The following TULP4 variants were observed in gnomAD, a reference collection of about 807,000 sequenced individuals.
TULP4 encodes the protein TUB like protein 4.
A neutral mutation model predicts 129.0 loss-of-function variants in TULP4; 16 were observed. The ratio of observed to expected loss-of-function variants is 0.12; its 90% CI spans 0.08 to 0.19. The LOEUF (loss-of-function observed/expected upper bound fraction) is 0.19. Ranked by LOEUF, TULP4 falls within the 10% of genes least tolerant of loss-of-function variation. TULP4 has a pLI of 1.00. For missense variants in TULP4, 1,842 were observed against 2,059.1 expected, an observed-to-expected ratio of 0.89 and a Z score of 2.04; for synonymous variants, 998 against 854.0, an observed-to-expected ratio of 1.17 and a Z score of -2.94.
At chr6:158,485,979 T>C (rs1780055243) in intron 8 of TULP4, among the ~76,000 whole-genome samples, 1 of 152,262 alleles carries the variant, frequency 6.6e-6, no homozygotes, top group Admixed American at 6.5e-5. Flanking sequence ...GTCCCATCCA[T>C]ACTGGATTTA....
chr6:158,402,248 C>G (rs1390684024), intron 1 of TULP4, among the ~76,000 whole-genome samples: 1 of 152,010 alleles, frequency 6.6e-6, no homozygotes, highest in Non-Finnish European at 1.5e-5. Flanking sequence ...CCTACTCCCA[C>G]CCCTTCCCCA....
At chr6:158,336,335 T>C (rs567657114) in intron 1 of TULP4, among the ~76,000 whole-genome samples, 8 of 152,368 alleles carry the variant, frequency 5.3e-5, no homozygotes, top group Admixed American at 5.2e-4. Flanking sequence ...TATTAGTCTT[T>C]TATCTGTGGT....
chr6:158,487,257 T>C (rs986199928), intron 8 of TULP4, among the ~76,000 whole-genome samples: 1 of 151,878 alleles, frequency 6.6e-6, no homozygotes, highest in Admixed American at 6.6e-5. Context: ...AGACTCCATC[T>C]CAAAAAATAA....
chr6:158,422,811 C>T (rs1778377741), intron 2 of TULP4, among the ~76,000 whole-genome samples: 1 of 152,224 alleles, frequency 6.6e-6, no homozygotes, highest in Admixed American at 6.5e-5. Flanking sequence ...GGCCCTCCCA[C>T]CCCAGCCTTT....
intron 1 of TULP4, among the ~76,000 whole-genome samples, chr6:158,386,764 A>T (rs909936407): frequency 3.4e-5 from 4 of 118,614 alleles, no homozygotes; most frequent in Non-Finnish European, 5.4e-5. Flanking sequence ...TAGCTAAGTT[A>T]CTAAACCTCT....
At chr6:158,415,872 C>T (rs1238690191) in intron 2 of TULP4, among the ~76,000 whole-genome samples, 5 of 152,062 alleles carry the variant, frequency 3.3e-5, no homozygotes, top group Non-Finnish European at 7.3e-5. Flanking sequence ...CACACGATCA[C>T]GAGGTAAAAT....
At chr6:158,396,833 C>T (rs924640409) in intron 1 of TULP4, among the ~76,000 whole-genome samples, 1 of 152,154 alleles carries the variant, frequency 6.6e-6, no homozygotes, top group Non-Finnish European at 1.5e-5. Flanking sequence ...AATGTATGTA[C>T]TTTCCCCCCA....
intron 3 of TULP4, among the ~76,000 whole-genome samples, chr6:158,434,765 C>T (rs1281624943): frequency 6.6e-6 from 1 of 152,182 alleles, no homozygotes. Context: ...CCAGCATTTC[C>T]ATGCTGAGTG....
intron 3 of TULP4, among the ~76,000 whole-genome samples, chr6:158,442,770 C>G (rs1397666213): frequency 1.3e-5 from 2 of 151,598 alleles, no homozygotes; most frequent in African/African-American, 2.4e-5. Flanking sequence ...AATGTGTTTT[C>G]AGTTACTTGT....
chr6:158,498,909 T>C, intron 12 of TULP4, 97 bp downstream of exon 12: 1 of 1,478,470 alleles, frequency 6.8e-7, no homozygotes, highest in Non-Finnish European at 9.3e-7. Flanking sequence ...TTCAGTCTGC[T>C]ACCTGGGTTT....
At chr6:158,254,856 G>A (rs886923665) in intron 1 of TULP4, among the ~76,000 whole-genome samples, 2 of 152,162 alleles carry the variant, frequency 1.3e-5, no homozygotes, top group African/African-American at 2.4e-5. Flanking sequence ...TGGATCACCC[G>A]AGACCGGAAG....
chr6:158,316,876 C>T (rs1009317342), intron 1 of TULP4, among the ~76,000 whole-genome samples: 2 of 152,208 alleles, frequency 1.3e-5, no homozygotes, highest in Non-Finnish European at 2.9e-5. Context: ...GTCTTAGAGG[C>T]CCTCACTAGT....
intron 1 of TULP4, among the ~76,000 whole-genome samples, chr6:158,315,840 T>G (rs1779479182): frequency 6.6e-6 from 1 of 152,212 alleles, no homozygotes; most frequent in Admixed American, 6.5e-5. Flanking sequence ...TGGGCCTATC[T>G]TACAAGGGTA....
chr6:158,420,585 G>A (rs1041788660), intron 2 of TULP4, among the ~76,000 whole-genome samples: 4 of 152,058 alleles, frequency 2.6e-5, no homozygotes, highest in Admixed American at 2.0e-4. Flanking sequence ...GGGTTCAAGC[G>A]ATTCTCCTGT....
At chr6:158,488,289 A>C (rs1461067689) in intron 8 of TULP4, among the ~76,000 whole-genome samples, 1 of 152,184 alleles carries the variant, frequency 6.6e-6, no homozygotes, top group African/African-American at 2.4e-5. Context: ...GTCATAGCTG[A>C]GATTCCTTTG....
chr6:158,495,387 G>A (rs1395314166), intron 11 of TULP4, among the ~76,000 whole-genome samples: 2 of 152,160 alleles, frequency 1.3e-5, no homozygotes, highest in African/African-American at 4.8e-5. Flanking sequence ...TATAAGCCCT[G>A]ACTCATAAAA....
chr6:158,249,065 G>A (rs1778087786), intron 1 of TULP4, among the ~76,000 whole-genome samples: 1 of 150,520 alleles, frequency 6.6e-6, no homozygotes. Context: ...GGTCAAGGCT[G>A]GGTGACAGAG....
At chr6:158,396,098 A>G (rs1408042605) in intron 1 of TULP4, among the ~76,000 whole-genome samples, 1 of 152,212 alleles carries the variant, frequency 6.6e-6, no homozygotes. Context: ...AGTTCCTGCT[A>G]TTTTGAATAA....
chr6:158,418,125 G>GGA (rs1778256315), intron 2 of TULP4, among the ~76,000 whole-genome samples: 1 of 150,260 alleles, frequency 6.7e-6, no homozygotes. Context: ...TTGGGAGCGG[G>GGA]GGAGACAGGG....
Sources: allele counts gnomAD v4.1 joint callset (sites outside exome capture counted in the v4.1 genomes callset), GRCh38; gene constraint gnomAD v4.1.1; transcripts MANE v1.5; gene names NCBI Gene and HGNC (gene_info 2026-07-23, HGNC 2026-07-21).